Variants in NCKAP5 observed in about 807,000 individuals in gnomAD.
The protein encoded by NCKAP5 is nck-associated protein 5.
NCKAP5 carries 92 observed loss-of-function variants against 167.0 expected under a neutral mutation model. The observed-to-expected ratio is 0.55, with a 90% CI of 0.47 to 0.66. The LOEUF (loss-of-function observed/expected upper bound fraction) is 0.66, where lower values mean the gene tolerates loss of function less well. Among genes scored for constraint, NCKAP5 ranks in the 30% least tolerant of loss-of-function variants. NCKAP5 has a pLI of 0.00. For synonymous variants in NCKAP5, 891 were observed against 877.4 expected (o/e 1.02, Z -0.27); for missense variants, 2,378 against 2,315.0 (o/e 1.03, Z -0.56).
chr2:133,517,079 G>A (rs897110838), intron 3 of NCKAP5, among the ~76,000 whole-genome samples: 2 of 152,176 alleles, frequency 1.3e-5, no homozygotes, highest in African/African-American at 4.8e-5. Context: ...ATTTGAACCT[G>A]TATTGAATTC....
chr2:132,850,319 A>G (rs1338790592), intron 11 of NCKAP5, among the ~76,000 whole-genome samples: 3 of 152,120 alleles, frequency 2.0e-5, no homozygotes, highest in African/African-American at 7.2e-5. Context: ...TAATTGGCTG[A>G]TTCATTGAAC....
Position 132,673,050 on chromosome 2 carries a change from C to T in NCKAP5, c.*239G>A, listed in dbSNP as rs1162666207. On this transcript the variant is annotated 3_prime_UTR_variant, in exon 20 of 20. Transcript: ENST00000409261. The stretch of plus-strand genomic sequence containing the variant: ...TATACATCATTTGAACCTTGACTGG[C>T]ACAGGAAGAGAAGCTATCATATAAA... 1 of 1,075,510 alleles carries T rather than the reference C, an allele frequency of 9.3e-7. No individual in the cohort carries two copies. The highest frequency in any genetic ancestry group is 1.7e-5 in the African/African-American group (1 of 57,904). 66.6% of individuals were successfully genotyped at this position (1,075,510 alleles called of 1,614,324 possible).
At chr2:133,378,901 C>T (rs1686331433) in intron 3 of NCKAP5, among the ~76,000 whole-genome samples, 2 of 152,266 alleles carry the variant, frequency 1.3e-5, no homozygotes, top group East Asian at 3.9e-4. Context: ...AAGGAGCTTA[C>T]CCTGCCAATG....
At chr2:132,733,864 C>G (rs762700807) in intron 16 of NCKAP5, among the ~76,000 whole-genome samples, 1 of 152,136 alleles carries the variant, frequency 6.6e-6, no homozygotes. Flanking sequence ...AGGTTTGGTG[C>G]TTGGTATTGG....
chr2:132,963,859 G>A lies in NCKAP5; in HGVS notation c.440C>T (p.Ser147Leu), dbSNP rs1573568437. The change falls in exon 8 of 20, where the codon TCA becomes TTA. Residue 147 changes from serine (S) to leucine (L), a missense_variant. Ser to Leu is a moderately radical substitution (Grantham distance 145, BLOSUM62 -2). Around this residue, in one of 3 missense-constraint regions of NCKAP5, gnomAD observed 1,049 missense variants for 1,023.4 expected, o/e 1.02. Transcript: ENST00000409261. Reference sequence around the variant, plus strand: ...TTCCTTATGTTTTCTCTCTTCCTCTGACAGCTTTTCCTGAAGCAAGAAAGA... The same window carrying A: ...TTCCTTATGTTTTCTCTCTTCCTCTAACAGCTTTTCCTGAAGCAAGAAAGA... ...VNIMVYQEKL[S>L]EEERKHKEAL... The A allele has an allele frequency of 6.2e-7, 1 of 1,613,352 alleles. No homozygotes were observed. The highest frequency in any genetic ancestry group is 1.3e-5 in the African/African-American group (1 of 74,838).
At chr2:133,308,249 C>T (rs1446551174) in intron 3 of NCKAP5, among the ~76,000 whole-genome samples, 2 of 151,554 alleles carry the variant, frequency 1.3e-5, no homozygotes, top group African/African-American at 4.9e-5. Context: ...CCACCACGCC[C>T]GGCTAATTTT....
intron 7 of NCKAP5, among the ~76,000 whole-genome samples, chr2:132,989,866 C>T (rs2077400379): frequency 2.6e-5 from 4 of 152,160 alleles, no homozygotes; most frequent in South Asian, 4.1e-4. Flanking sequence ...TTTGAGACCT[C>T]TACGAGCTTT....
intron 6 of NCKAP5, chr2:133,123,752 C>A (rs1364406337): frequency 4.2e-6 from 2 of 470,966 alleles, no homozygotes; most frequent in Non-Finnish European, 4.4e-6. Flanking sequence ...GATGCTTGTC[C>A]AAAGGTCAAT....
At chr2:133,006,020 G>A (rs1037533130) in intron 6 of NCKAP5, among the ~76,000 whole-genome samples, 5 of 152,108 alleles carry the variant, frequency 3.3e-5, no homozygotes, top group Admixed American at 6.5e-5. Flanking sequence ...ACTTTGGGAG[G>A]CTGAGGCAGG....
At chr2:132,998,021 T>A (rs1018433023) in intron 6 of NCKAP5, among the ~76,000 whole-genome samples, 2 of 152,204 alleles carry the variant, frequency 1.3e-5, no homozygotes, top group African/African-American at 4.8e-5. Flanking sequence ...AAAGGCCTGG[T>A]ATCCTGGTTT....
intron 16 of NCKAP5, among the ~76,000 whole-genome samples, chr2:132,768,986 C>T (rs1681784487): frequency 6.9e-6 from 1 of 144,368 alleles, no homozygotes; most frequent in Non-Finnish European, 1.5e-5. Context: ...GCTCTGTCGC[C>T]TGGGCTGGAG....
At chr2:133,111,791 C>A (rs1208209001) in intron 6 of NCKAP5, among the ~76,000 whole-genome samples, 1 of 152,170 alleles carries the variant, frequency 6.6e-6, no homozygotes, top group Admixed American at 6.5e-5. Flanking sequence ...CTGTGATGAA[C>A]ATTTGGCTAA....
chr2:133,407,366 T>C (rs1299846651), intron 3 of NCKAP5, among the ~76,000 whole-genome samples: 1 of 152,212 alleles, frequency 6.6e-6, no homozygotes, highest in Non-Finnish European at 1.5e-5. Context: ...TTTCAAAATT[T>C]TGAGTTGTTT....
At chr2:133,148,373 A>T (rs1322592794) in intron 5 of NCKAP5, among the ~76,000 whole-genome samples, 1 of 152,118 alleles carries the variant, frequency 6.6e-6, no homozygotes, top group Admixed American at 6.6e-5. Context: ...AGAGTTTGTT[A>T]TTTAATTAAA....
intron 6 of NCKAP5, among the ~76,000 whole-genome samples, chr2:133,053,136 A>G (rs1271011833): frequency 6.6e-6 from 1 of 152,182 alleles, no homozygotes; most frequent in Non-Finnish European, 1.5e-5. Context: ...CCTGCCCTTC[A>G]TTTGGTTAGC....
intron 2 of NCKAP5, among the ~76,000 whole-genome samples, chr2:133,520,155 C>T (rs1158979918): frequency 6.6e-6 from 1 of 152,160 alleles, no homozygotes; most frequent in East Asian, 1.9e-4. Context: ...CGCGCCACTG[C>T]ACTCCAGCCT....
chr2:133,665,800 T>C, the NCKAP5 span, among the ~76,000 whole-genome samples: 1 of 152,246 alleles, frequency 6.6e-6, no homozygotes, highest in Non-Finnish European at 1.5e-5. Context: ...CTGTTAACAT[T>C]CATTTTCAAA....
chr2:133,529,541 T>G (rs1685191503), intron 2 of NCKAP5, among the ~76,000 whole-genome samples: 1 of 152,200 alleles, frequency 6.6e-6, no homozygotes. Context: ...AGCAAGTCTA[T>G]GTATCTGTTG....
rs141342271 is a variant in NCKAP5 at position 132,940,132 on chromosome 2, T to C, written c.579+23588A>G. ...CTTAGCTCCCACTTACAAGTGAGAA[T>C]ATATGATATTTGGTTTTCTATTGTT... On this transcript the variant is annotated intron_variant, in intron 8 of 19. Transcript: ENST00000409261. Among the ~76,000 whole-genome samples, 78 of 152,342 alleles carry C rather than the reference T, an allele frequency of 5.1e-4. 1 individual carries two copies. The East Asian group carries it at 6.4e-3, about 12-fold the overall frequency.
Sources: allele counts gnomAD v4.1 joint callset (sites outside exome capture counted in the v4.1 genomes callset), GRCh38; gene constraint gnomAD v4.1.1; regional missense constraint gnomAD v4.1.1; transcripts MANE v1.5; gene names NCBI Gene and HGNC (gene_info 2026-07-23, HGNC 2026-07-21).